The following ITPR1 variants were observed in gnomAD, a reference collection of about 807,000 sequenced individuals.
ITPR1 encodes the protein inositol 1,4,5-trisphosphate-gated calcium channel ITPR1.
Under a neutral mutation model 318.4 loss-of-function variants are expected in ITPR1, and 96 were observed. That is an observed-to-expected ratio of 0.30 (90% CI 0.26 to 0.36). The LOEUF (loss-of-function observed/expected upper bound fraction) is 0.36, where lower values mean the gene tolerates loss of function less well. Among genes scored for constraint, ITPR1 ranks in the 10% least tolerant of loss-of-function variants. ITPR1 has a pLI of 1.00. For synonymous variants in ITPR1, 1,312 were observed against 1,289.9 expected (o/e 1.02, Z -0.37); for missense variants, 2,440 against 3,460.2 (o/e 0.71, Z 7.40).
At chr3:4,573,399 A>G (rs181740037) in intron 4 of ITPR1, among the ~76,000 whole-genome samples, 3 of 152,264 alleles carry the variant, frequency 2.0e-5, no homozygotes, top group South Asian at 2.1e-4. Flanking sequence ...TGTCTGGACT[A>G]TGATACTAGT....
chr3:4,676,465 T>G, intron 23 of ITPR1, 149 bp from the exon 24 acceptor site: 1 of 596,836 alleles, frequency 1.7e-6, no homozygotes, highest in Non-Finnish European at 2.9e-6. Flanking sequence ...TTGATGTGCA[T>G]TTACCTTTCC....
intron 60 of ITPR1, among the ~76,000 whole-genome samples, chr3:4,834,408 A>G (rs769110271): frequency 1.6e-4 from 24 of 152,012 alleles, no homozygotes; most frequent in Non-Finnish European, 3.2e-4. Flanking sequence ...GTTTTCCTCA[A>G]TTGAGGTCAG....
At chr3:4,812,054 T>TTC (rs892590513) in intron 56 of ITPR1, among the ~76,000 whole-genome samples, 1 of 151,610 alleles carries the variant, frequency 6.6e-6, no homozygotes, top group African/African-American at 2.4e-5. Context: ...TTTTTTTTTT[T>TTC]TTCGAGACAG....
chr3:4,832,333 G>A (rs917971577), intron 60 of ITPR1, among the ~76,000 whole-genome samples: 2 of 152,194 alleles, frequency 1.3e-5, no homozygotes, highest in African/African-American at 4.8e-5. Flanking sequence ...TTATCCCTAG[G>A]ATGGGAGCAC....
intron 52 of ITPR1, among the ~76,000 whole-genome samples, chr3:4,793,226 A>G (rs938468029): frequency 2.6e-5 from 4 of 152,252 alleles, no homozygotes; most frequent in African/African-American, 9.6e-5. Context: ...ACTATATGCC[A>G]TAGTTGAAGA....
intron 10 of ITPR1, among the ~76,000 whole-genome samples, chr3:4,650,042 C>T (rs551218759): frequency 9.2e-5 from 14 of 152,312 alleles, no homozygotes; most frequent in Non-Finnish European, 1.5e-4. Flanking sequence ...ATTCATATTG[C>T]CACATGTATC....
At chr3:4,692,015 G>A (rs1412118809) in intron 32 of ITPR1, among the ~76,000 whole-genome samples, 1 of 152,104 alleles carries the variant, frequency 6.6e-6, no homozygotes, top group Non-Finnish European at 1.5e-5. Flanking sequence ...TTAGCTGGGT[G>A]TAGTGGCATG....
intron 40 of ITPR1, among the ~76,000 whole-genome samples, chr3:4,719,366 G>C (rs1280049940): frequency 1.3e-5 from 2 of 152,180 alleles, no homozygotes; most frequent in Admixed American, 1.3e-4. Flanking sequence ...ATGCCTCCTT[G>C]GCCTTTATAA....
intron 23 of ITPR1, 79 bp from the exon 24 acceptor site, chr3:4,676,535 A>T: frequency 9.7e-7 from 1 of 1,030,676 alleles, no homozygotes; most frequent in Non-Finnish European, 1.4e-6. Flanking sequence ...TTTCTCTCAA[A>T]GAGCCCCTGC....
chr3:4,570,404 G>C (rs1009819211), intron 4 of ITPR1, among the ~76,000 whole-genome samples: 1 of 152,202 alleles, frequency 6.6e-6, no homozygotes, highest in African/African-American at 2.4e-5. Context: ...CCAGTGTACA[G>C]TCTGACCTAA....
In ITPR1 at chr3:4,673,213, A is replaced by G; in HGVS notation, c.2282A>G (p.Asp761Gly). 6.2e-7 allele frequency: 1 copy of G among 1,613,950 alleles called. No homozygotes were observed. Among genetic ancestry groups the G allele is most frequent in the Non-Finnish European group, 8.5e-7 (1 of 1,179,866 alleles). ...LAINEISGQL[D>G]VDLILRCMSD... Reference sequence around the variant, plus strand: ...ATCAACGAAATCTCAGGCCAGCTGGATGTCGATCTCATTCTCCGCTGCATG... The same window carrying G: ...ATCAACGAAATCTCAGGCCAGCTGGGTGTCGATCTCATTCTCCGCTGCATG... The change falls in exon 21 of 62, where the codon GAT becomes GGT. Residue 761 changes from aspartate to glycine, a missense_variant. Physicochemically the swap from Asp to Gly is moderately conservative, Grantham distance 94 (BLOSUM62 -1). This residue lies in a region of ITPR1 where 478 missense variants were observed against 696.3 expected (regional missense o/e 0.69). Coordinates refer to ENST00000649015, the MANE Select transcript of ITPR1 (RefSeq NM_001378452.1).
intron 30 of ITPR1, among the ~76,000 whole-genome samples, chr3:4,687,980 A>G (rs1010941692): frequency 1.3e-5 from 2 of 152,228 alleles, no homozygotes; most frequent in African/African-American, 2.4e-5. Flanking sequence ...CCAAGAGGGA[A>G]AATGACTACT....
At position 4,684,333 on chromosome 3, in the gene ITPR1, G is replaced by C. The variant is rs761244014; in HGVS notation, c.3551G>C (p.Arg1184Thr). ...GAAAGCACCAGCAGCTACAACTACA[G>C]AGTGGTCAAAGAGGTAAGCTCCTCC... Reference protein sequence around the residue: ...KHESTSSYNYRVVKEILIRLS... With the variant: ...KHESTSSYNYTVVKEILIRLS... The change falls in exon 29 of 62, where the codon AGA becomes ACA. Residue 1184 changes from arginine (R) to threonine (T), a missense_variant. Transcript: ENST00000649015. 1.2e-6 allele frequency: 2 copies of C among 1,612,330 alleles called. No homozygotes were observed. Among genetic ancestry groups the C allele is most frequent in the South Asian group, 1.1e-5 (1 of 90,752 alleles).
At chr3:4,751,378 C>G (rs909652557) in intron 44 of ITPR1, 1 of 152,124 alleles carries the variant, frequency 6.6e-6, no homozygotes, top group African/African-American at 2.4e-5. Flanking sequence ...CAGGGAGTGG[C>G]CCCCTGCACC....
chr3:4,662,415 A>T (rs546426796), intron 15 of ITPR1, among the ~76,000 whole-genome samples, 173 bp downstream of exon 15: 1 of 152,264 alleles, frequency 6.6e-6, no homozygotes, highest in East Asian at 1.9e-4. Flanking sequence ...TTTTGCATTC[A>T]TTTTTTGAGT....
At chr3:4,836,122 C>T (rs555638338) in intron 60 of ITPR1, among the ~76,000 whole-genome samples, 1 of 152,290 alleles carries the variant, frequency 6.6e-6, no homozygotes, top group Admixed American at 6.5e-5. Flanking sequence ...CCTTAAAATT[C>T]ACTTCACTTC....
chr3:4,543,000 T>A (rs2084613796), intron 4 of ITPR1, among the ~76,000 whole-genome samples: 1 of 152,224 alleles, frequency 6.6e-6, no homozygotes. Flanking sequence ...CTGCTCCTTT[T>A]TTTGTCTCAC....
chr3:4,804,914 C>A (rs983303467), intron 54 of ITPR1, among the ~76,000 whole-genome samples: 1 of 152,104 alleles, frequency 6.6e-6, no homozygotes, highest in Admixed American at 6.6e-5. Flanking sequence ...GCCAAGGGAG[C>A]TAGAGTAGCA....
intron 60 of ITPR1, among the ~76,000 whole-genome samples, chr3:4,821,171 G>T (rs987184641): frequency 6.6e-6 from 1 of 152,258 alleles, no homozygotes; most frequent in South Asian, 2.1e-4. Flanking sequence ...GGAAGGAAAA[G>T]CAGGCTGGAG....
Sources: gnomAD v4.1 joint callset for allele counts (sites outside exome capture counted in the v4.1 genomes callset) on GRCh38, gnomAD v4.1.1 for gene constraint, gnomAD v4.1.1 regional missense constraint, MANE v1.5 for transcripts, NCBI Gene and HGNC (gene_info 2026-07-23, HGNC 2026-07-21) for gene names.